Variants in JARID2 observed in about 807,000 individuals in gnomAD.
JARID2 encodes jumonji and AT-rich interaction domain containing 2.
A neutral mutation model predicts 125.6 loss-of-function variants in JARID2; 21 were observed. The ratio of observed to expected loss-of-function variants is 0.17; its 90% CI spans 0.12 to 0.24. The LOEUF (loss-of-function observed/expected upper bound fraction) is 0.24. JARID2 is among the 10% of genes least tolerant of loss of function. JARID2 has a pLI of 1.00. For missense variants in JARID2, 1,303 were observed against 1,639.6 expected (o/e 0.79, Z 3.55); for synonymous variants, 736 against 661.6 (o/e 1.11, Z -1.73).
rs775018044 is a variant in JARID2 at position 15,452,069 on chromosome 6, A to G, written c.387A>G (p.Pro129=). ...QSQPNSPSTT[P]VKIVEPLLPP... is the part of the protein sequence containing the mutation. ...AGCCGAATAGTCCCAGCACAACTCC[A>G]GTAAAGATAGTGGAGCCATTGCTAC... Residue 129 remains proline, a synonymous_variant, in exon 4 of 18, where the codon CCA becomes CCG. Coordinates refer to ENST00000341776, the MANE Select transcript of JARID2 (RefSeq NM_004973.4). 6.2e-7 allele frequency: 1 copy of G among 1,614,182 alleles called. No homozygotes were observed. The highest frequency in any genetic ancestry group is 8.5e-7 in the Non-Finnish European group (1 of 1,180,022).
At chr6:15,496,058 C>T (rs564141491) in intron 6 of JARID2, 74 bp from the exon 7 acceptor site, 780 of 1,282,590 alleles carry the variant, frequency 6.1e-4, no homozygotes, top group Middle Eastern at 4.7e-3. Flanking sequence ...TCCTTTCTCA[C>T]GGGTGGGCCG....
At chr6:15,513,736 C>T (rs1160662748) in intron 16 of JARID2, among the ~76,000 whole-genome samples, 2 of 152,246 alleles carry the variant, frequency 1.3e-5, no homozygotes, top group Admixed American at 6.5e-5. Context: ...CCAGCCCCCA[C>T]GCACTCTGCT....
chr6:15,412,472 C>G (rs1765920631), intron 3 of JARID2, among the ~76,000 whole-genome samples: 2 of 152,164 alleles, frequency 1.3e-5, no homozygotes, highest in East Asian at 1.9e-4. Context: ...CCATACCTGG[C>G]TAATTCTTGT....
intron 2 of JARID2, among the ~76,000 whole-genome samples, chr6:15,400,593 G>A (rs1259113019): frequency 3.3e-5 from 5 of 151,906 alleles, no homozygotes; most frequent in Admixed American, 2.0e-4. Flanking sequence ...TCTATACTTC[G>A]GATTTGTCTG....
intron 7 of JARID2, among the ~76,000 whole-genome samples, chr6:15,499,909 A>G (rs1002807637): frequency 8.5e-5 from 13 of 152,140 alleles, no homozygotes; most frequent in Admixed American, 3.9e-4. Context: ...CGCTTCACCT[A>G]GTGGGTCCTG....
intron 1 of JARID2, among the ~76,000 whole-genome samples, chr6:15,269,723 G>A (rs2327882): frequency 6.6e-6 from 1 of 151,852 alleles, no homozygotes; most frequent in Admixed American, 6.6e-5. Context: ...CTTTGTCTAG[G>A]AGCCTTTACA....
chr6:15,496,476 A>G lies in JARID2; in HGVS notation c.1251A>G (p.Ser417=), dbSNP rs1369089619. The part of the protein sequence containing the change: ...LKVSGRLNPK[S]CTKEVGGRQL... Reference sequence around the variant, plus strand: ...TCAGTGGCAGGTTGAACCCAAAGTCATGCACTAAGGAGGTGGGGGGGCGGC... The same window carrying G: ...TCAGTGGCAGGTTGAACCCAAAGTCGTGCACTAAGGAGGTGGGGGGGCGGC... The change falls in exon 7 of 18, where the codon TCA becomes TCG. Residue 417 remains serine (S), a synonymous_variant. Transcript: ENST00000341776. The G allele has an allele frequency of 1.9e-6, 3 of 1,612,708 alleles. No homozygotes were observed. The highest frequency in any genetic ancestry group is 2.2e-5 in the South Asian group (2 of 90,976).
intron 4 of JARID2, 140 bp downstream of exon 4, chr6:15,452,315 A>ATACGGC: frequency 7.7e-6 from 10 of 1,298,010 alleles, no homozygotes; most frequent in South Asian, 3.2e-5. Flanking sequence ...ATTGAAAGTG[A>ATACGGC]GAAATCCCAC....
At chr6:15,380,305 G>T (rs935385216) in intron 2 of JARID2, among the ~76,000 whole-genome samples, 1 of 152,144 alleles carries the variant, frequency 6.6e-6, no homozygotes, top group African/African-American at 2.4e-5. Flanking sequence ...CAAGTGCTGA[G>T]ATTACAAGCG....
intron 1 of JARID2, among the ~76,000 whole-genome samples, chr6:15,345,526 T>C (rs749983371): frequency 3.9e-5 from 6 of 152,226 alleles, no homozygotes; most frequent in Non-Finnish European, 8.8e-5. Flanking sequence ...GGAAGTAGTA[T>C]ATGGAAAAGT....
At chr6:15,260,916 C>T (rs16876182) in intron 1 of JARID2, among the ~76,000 whole-genome samples, 24,102 of 152,220 alleles carry the variant, frequency 0.16, 2,845 homozygotes, top group African/African-American at 0.33. Context: ...ATGAAACACA[C>T]TTTCTATTCA....
intron 1 of JARID2, among the ~76,000 whole-genome samples, chr6:15,343,500 A>G (rs1037494514): frequency 6.6e-6 from 1 of 151,242 alleles, no homozygotes; most frequent in Non-Finnish European, 1.5e-5. Flanking sequence ...TTGAAGTTAC[A>G]TTAAAGAGTT....
intron 2 of JARID2, among the ~76,000 whole-genome samples, chr6:15,381,819 G>A (rs1764600436): frequency 6.6e-6 from 1 of 152,220 alleles, no homozygotes; most frequent in African/African-American, 2.4e-5. Flanking sequence ...CTTCTAAGAT[G>A]TCATTGAGTG....
chr6:15,248,365 G>A (rs1377937888), intron 1 of JARID2: 3 of 144,332 alleles, frequency 2.1e-5, no homozygotes, highest in African/African-American at 7.5e-5. Context: ...CAGGCGGGCA[G>A]GAGGGCGGGT....
intron 1 of JARID2, among the ~76,000 whole-genome samples, chr6:15,332,366 T>G (rs1762737983): frequency 1.3e-5 from 2 of 152,214 alleles, no homozygotes; most frequent in South Asian, 4.1e-4. Context: ...CATGTAATAC[T>G]GTTACCATCC....
intron 7 of JARID2, among the ~76,000 whole-genome samples, chr6:15,499,803 G>C (rs1459888553): frequency 6.6e-6 from 1 of 152,098 alleles, no homozygotes; most frequent in Non-Finnish European, 1.5e-5. Context: ...CATTTAGTGT[G>C]AGTGGAATTC....
intron 1 of JARID2, among the ~76,000 whole-genome samples, chr6:15,276,124 A>T (rs186457293): frequency 9.2e-4 from 140 of 152,308 alleles, no homozygotes; most frequent in Admixed American, 1.6e-3. Flanking sequence ...AGGAAAGGAG[A>T]TAAATGGATG....
At chr6:15,487,244 C>A in intron 5 of JARID2, 63 bp from the exon 6 acceptor site, 1 of 1,363,606 alleles carries the variant, frequency 7.3e-7, no homozygotes, top group South Asian at 1.3e-5. Flanking sequence ...CAAACCATAT[C>A]AGTAGTTTGC....
At chr6:15,507,643 C>CT (rs1271224376) in intron 11 of JARID2, among the ~76,000 whole-genome samples, 1 of 152,182 alleles carries the variant, frequency 6.6e-6, no homozygotes, top group Non-Finnish European at 1.5e-5. Flanking sequence ...GAGTCTGGAG[C>CT]TGGGAGAAGC....
Sources: allele counts gnomAD v4.1 joint callset (sites outside exome capture counted in the v4.1 genomes callset), GRCh38; gene constraint gnomAD v4.1.1; transcripts MANE v1.5; gene names NCBI Gene and HGNC (gene_info 2026-07-23, HGNC 2026-07-21).